Variants in BPTF observed in about 807,000 individuals in gnomAD.
BPTF encodes bromodomain PHD finger transcription factor.
A neutral mutation model predicts 292.5 loss-of-function variants in BPTF; 18 were observed. The observed-to-expected ratio is 0.06, with a 90% confidence interval of 0.04 to 0.09. BPTF has a LOEUF of 0.09. Ranked by LOEUF, BPTF falls within the 10% of genes least tolerant of loss-of-function variation. BPTF has a pLI of 1.00. For missense variants in BPTF, 2,726 were observed against 3,498.7 expected, an observed-to-expected ratio of 0.78 and a Z score of 5.57; for synonymous variants, 1,225 against 1,251.9, an observed-to-expected ratio of 0.98 and a Z score of 0.45.
chr17:67,922,009 C>T (rs907280169), intron 13 of BPTF, among the ~76,000 whole-genome samples: 25 of 151,812 alleles, frequency 1.6e-4, no homozygotes, highest in Admixed American at 5.9e-4. Flanking sequence ...CCAGCCTGGG[C>T]AACAGAGCAA....
intron 18 of BPTF, among the ~76,000 whole-genome samples, chr17:67,936,201 GT>G (rs2064902215): frequency 6.6e-6 from 1 of 152,096 alleles, no homozygotes; most frequent in African/African-American, 2.4e-5. Context: ...ATATAGCAGG[GT>G]TTTTTGTTGT....
chr17:67,975,518 G>C (rs1290517350), intron 26 of BPTF: 2 of 345,742 alleles, frequency 5.8e-6, no homozygotes, highest in Non-Finnish European at 1.0e-5. Flanking sequence ...AATGAAGAAC[G>C]GTTCTGTGCA....
chr17:67,933,930 G>A (rs1023006386), intron 18 of BPTF, among the ~76,000 whole-genome samples: 1 of 151,654 alleles, frequency 6.6e-6, no homozygotes, highest in Non-Finnish European at 1.5e-5. Flanking sequence ...CTGGTGGTGG[G>A]CACCTTGGGA....
Position 67,944,246 on chromosome 17 carries a change from C to G in BPTF, c.6574C>G (p.Pro2192Ala). 6.2e-7 allele frequency: 1 copy of G among 1,614,134 alleles called. No individual in the cohort carries two copies. Among genetic ancestry groups the G allele is most frequent in the Non-Finnish European group, 8.5e-7 (1 of 1,180,030 alleles). The change falls in exon 20 of 28, where the codon CCA becomes GCA. Residue 2192 changes from proline (P) to alanine (A), a missense_variant. Around this residue, in one of 22 missense-constraint regions of BPTF, gnomAD observed 570 missense variants for 633.5 expected, o/e 0.90. Transcript: ENST00000306378. ...TCAAGGGGTGACTGTACTCCCAGGC[C>G]CAGGCCAGCAGCTAATGCAAGCTGC... The part of the protein sequence containing the change: ...IPQGVTVLPG[P>A]GQQLMQAAMP...
At chr17:67,855,175 C>T (rs1047312707) in intron 2 of BPTF, among the ~76,000 whole-genome samples, 2 of 152,114 alleles carry the variant, frequency 1.3e-5, no homozygotes, top group African/African-American at 4.8e-5. Flanking sequence ...GTGGCGCACA[C>T]CTGTAATCCC....
rs527590553 is a variant in BPTF, at chr17:67,982,056, T to A, written c.8727-196T>A. The A allele has an allele frequency of 2.7e-4, 108 of 400,232 alleles. 1 individual carries two copies. The South Asian group carries it at 2.9e-3, about 11-fold the overall frequency. 24.8% of individuals were successfully genotyped at this position (400,232 alleles called of 1,614,324 possible). A position where few individuals can be genotyped will look rare whatever the true frequency, so the allele number is the denominator to read the frequency against. ...ATTGGCTTTTTCCAGTGAGCTATTA[T>A]GTTTAGTGTACAGTGAAAAGTTTTA... On this transcript the variant is annotated intron_variant, in intron 27 of 27. Transcript: ENST00000306378.
intron 4 of BPTF, chr17:67,875,582 A>G: frequency 1.3e-6 from 2 of 1,564,156 alleles, no homozygotes; most frequent in Non-Finnish European, 1.7e-6. Flanking sequence ...GGATAAAGGT[A>G]ACTCTGTGTC....
At chr17:67,826,466 A>G (rs374958211) in intron 1 of BPTF, 129 bp downstream of exon 1, 10 of 1,025,580 alleles carry the variant, frequency 9.8e-6, no homozygotes, top group Non-Finnish European at 1.3e-6. Flanking sequence ...ACAGAGGGGA[A>G]ATGCGACGGC....
At position 67,948,118 on chromosome 17, in the gene BPTF, G is replaced by A. The variant is rs1555676418; in HGVS notation, c.7738G>A (p.Asp2580Asn). The A allele has an allele frequency of 6.2e-7, 1 of 1,614,144 alleles. No homozygotes were observed. Among genetic ancestry groups the A allele is most frequent in the South Asian group, 1.1e-5 (1 of 91,084 alleles). Residue 2580 changes from aspartate to asparagine, a missense_variant, in exon 23 of 28, where the codon GAT (aspartate) becomes AAT (asparagine). Coordinates refer to ENST00000306378, the MANE Select transcript of BPTF (RefSeq NM_182641.4). ...TAACCAGGTGATGAAGTATATTTTGGATAAGATAGATAAAGAAGAAAAACA... is the reference window on the plus strand; with the variant it reads ...TAACCAGGTGATGAAGTATATTTTGAATAAGATAGATAAAGAAGAAAAACA... ...VCNQVMKYIL[D>N]KIDKEEKQAA...
Position 67,928,527 on chromosome 17 carries a change from C to T in BPTF, c.5924C>T (p.Thr1975Ile). ...ACTACTAAAGTTGGATCTCCAGCTA[C>T]AGTAACATTCCAACAAAACAAGAAC... ...VLTTKVGSPA[T>I]VTFQQNKNFH... The change falls in exon 16 of 28, where the codon ACA (threonine) becomes ATA (isoleucine). Residue 1975 changes from threonine (T) to isoleucine (I), a missense_variant. Coordinates refer to ENST00000306378, the MANE Select transcript of BPTF (RefSeq NM_182641.4). The T allele has an allele frequency of 6.2e-7, 1 of 1,614,140 alleles. No individual in the cohort carries two copies. Among genetic ancestry groups the T allele is most frequent in the Non-Finnish European group, 8.5e-7 (1 of 1,180,000 alleles).
intron 19 of BPTF, 51 bp from the exon 20 acceptor site, chr17:67,944,099 C>T (rs1249501349): frequency 9.2e-6 from 12 of 1,310,852 alleles, no homozygotes; most frequent in Non-Finnish European, 1.3e-5. Context: ...AAATGATATA[C>T]ATACAGATTG....
At chr17:67,939,403 C>G (rs1304838269) in intron 18 of BPTF, among the ~76,000 whole-genome samples, 1 of 152,170 alleles carries the variant, frequency 6.6e-6, no homozygotes, top group Non-Finnish European at 1.5e-5. Flanking sequence ...AGTAATGAGT[C>G]TGTAAGTGTC....
rs564988043 is a variant in BPTF at position 67,916,332 on chromosome 17, C to T, written c.5304-2382C>T. On this transcript the variant is annotated intron_variant, in intron 11 of 27. Coordinates refer to ENST00000306378, the MANE Select transcript of BPTF (RefSeq NM_182641.4). ...AAGCATTGTCTTTCAGGTGGGCTCA[C>T]GCCTCCCAGCACTTTGGGAGGCCGA... Among the ~76,000 whole-genome samples the T allele has an allele frequency of 3.3e-5, 5 of 152,228 alleles. No individual in the cohort carries two copies. The South Asian group carries it at 6.2e-4, about 19-fold the overall frequency.
chr17:67,921,075 A>T (rs943898022), intron 13 of BPTF, among the ~76,000 whole-genome samples: 1 of 151,450 alleles, frequency 6.6e-6, no homozygotes, highest in Non-Finnish European at 1.5e-5. Context: ...AATATTGGTA[A>T]TGTGCATGCC....
intron 4 of BPTF, among the ~76,000 whole-genome samples, chr17:67,877,050 A>C (rs1035454145): frequency 6.6e-6 from 1 of 152,192 alleles, no homozygotes; most frequent in African/African-American, 2.4e-5. Context: ...ACAATGATCA[A>C]ACATGAAAAG....
chr17:67,953,946 TTTTTC>T (rs1568167190), intron 23 of BPTF, among the ~76,000 whole-genome samples: 9 of 146,280 alleles, frequency 6.2e-5, no homozygotes, highest in African/African-American at 1.8e-4. Flanking sequence ...ATCTTTTTTC[TTTTTC>T]TTTTCTTTTC....
intron 9 of BPTF, 107 bp from the exon 10 acceptor site, chr17:67,909,475 G>A (rs2062499468): frequency 2.1e-5 from 14 of 651,684 alleles, no homozygotes; most frequent in Non-Finnish European, 2.3e-6. Flanking sequence ...ATGAAAAAAT[G>A]AAACATAACT....
chr17:67,920,243 A>C, intron 13 of BPTF, 100 bp downstream of exon 13: 1 of 1,371,786 alleles, frequency 7.3e-7, no homozygotes, highest in Non-Finnish European at 1.0e-6. Context: ...CACCTTTTAA[A>C]AAAGACATAT....
At chr17:67,898,127 T>C (rs1387038076) in intron 7 of BPTF, among the ~76,000 whole-genome samples, 1 of 152,198 alleles carries the variant, frequency 6.6e-6, no homozygotes, top group Non-Finnish European at 1.5e-5. Flanking sequence ...CCCAGCACTT[T>C]GGAAGGCCAA....
Sources: gnomAD v4.1 joint callset for allele counts (sites outside exome capture counted in the v4.1 genomes callset) on GRCh38, gnomAD v4.1.1 for gene constraint, gnomAD v4.1.1 regional missense constraint, MANE v1.5 for transcripts, NCBI Gene and HGNC (gene_info 2026-07-23, HGNC 2026-07-21) for gene names.